The following ANKFN1 variants were observed in gnomAD, a reference collection of about 807,000 sequenced individuals.
The protein encoded by ANKFN1 is ankyrin repeat and fibronectin type-III domain-containing protein 1.
In ANKFN1, 74 loss-of-function variants were observed where a neutral mutation model predicts 108.7. The observed-to-expected ratio is 0.68, with a 90% CI of 0.56 to 0.83. The LOEUF is 0.83. Among genes scored for constraint, ANKFN1 ranks in the 40% least tolerant of loss-of-function variants. ANKFN1 has a pLI of 0.00. For missense variants in ANKFN1, 1,505 were observed against 1,382.3 expected, an observed-to-expected ratio of 1.09 and a Z score of -1.41; for synonymous variants, 547 against 516.2, an observed-to-expected ratio of 1.06 and a Z score of -0.81.
intron 8 of ANKFN1, among the ~76,000 whole-genome samples, chr17:56,376,678 C>T (rs932943815): frequency 6.6e-6 from 1 of 152,128 alleles, no homozygotes; most frequent in African/African-American, 2.4e-5. Context: ...AAATTCTATC[C>T]GCATTCACAT....
chr17:56,134,782 T>G (rs565148010), intron 4 of ANKFN1, among the ~76,000 whole-genome samples: 1 of 152,342 alleles, frequency 6.6e-6, no homozygotes, highest in East Asian at 1.9e-4. Flanking sequence ...CAAGCTATTT[T>G]GTACCCTAGT....
intron 4 of ANKFN1, among the ~76,000 whole-genome samples, chr17:56,048,843 G>A (rs1904725310): frequency 6.6e-6 from 1 of 152,170 alleles, no homozygotes; most frequent in Non-Finnish European, 1.5e-5. Flanking sequence ...CCCTAACAGA[G>A]CCAGCATAGA....
chr17:56,305,387 A>G (rs555261685), intron 3 of ANKFN1, among the ~76,000 whole-genome samples: 2 of 152,304 alleles, frequency 1.3e-5, no homozygotes, highest in East Asian at 1.9e-4. Context: ...ATGGTGTTGA[A>G]TATAATTTCA....
intron 8 of ANKFN1, among the ~76,000 whole-genome samples, chr17:56,379,295 A>T (rs2047027959): frequency 6.6e-6 from 1 of 151,792 alleles, no homozygotes; most frequent in African/African-American, 2.4e-5. Flanking sequence ...GCTACTCAGG[A>T]GGCTGAGGCA....
chr17:56,058,453 C>A (rs1904917647), intron 4 of ANKFN1, among the ~76,000 whole-genome samples: 1 of 152,222 alleles, frequency 6.6e-6, no homozygotes, highest in African/African-American at 2.4e-5. Flanking sequence ...CCAACCTCTG[C>A]TAGCTTCCAG....
intron 3 of ANKFN1, among the ~76,000 whole-genome samples, chr17:56,289,070 G>A (rs190392555): frequency 7.2e-4 from 109 of 152,254 alleles, no homozygotes; most frequent in African/African-American, 2.6e-3. Context: ...GTGAAAAATG[G>A]GGGTTATGGA....
intron 1 of ANKFN1, among the ~76,000 whole-genome samples, chr17:56,156,076 C>A (rs1403437009): frequency 7.3e-6 from 1 of 136,514 alleles, no homozygotes; most frequent in East Asian, 2.1e-4. Flanking sequence ...CTCTCTCACT[C>A]TTTTTTTTTT....
chr17:56,139,049 A>C (rs546669351), intron 4 of ANKFN1, among the ~76,000 whole-genome samples: 1 of 152,318 alleles, frequency 6.6e-6, no homozygotes, highest in Admixed American at 6.5e-5. Context: ...GAGTTCTCAA[A>C]AGGCTAGTGA....
intron 1 of ANKFN1, among the ~76,000 whole-genome samples, chr17:56,177,474 G>C (rs1232071400): frequency 2.0e-5 from 3 of 152,312 alleles, no homozygotes; most frequent in African/African-American, 7.2e-5. Flanking sequence ...GGAGACTCCT[G>C]TTCCATCTTC....
At chr17:56,430,440 A>G (rs1383249280) in intron 8 of ANKFN1, among the ~76,000 whole-genome samples, 1 of 151,866 alleles carries the variant, frequency 6.6e-6, no homozygotes, top group African/African-American at 2.4e-5. Context: ...GACTTCAGTT[A>G]GTAATACTGC....
At chr17:56,273,917 A>G (rs921925148) in intron 3 of ANKFN1, among the ~76,000 whole-genome samples, 2 of 152,182 alleles carry the variant, frequency 1.3e-5, no homozygotes, top group Non-Finnish European at 2.9e-5. Context: ...CAGGGTCCCA[A>G]ATGTTACTGT....
chr17:56,403,668 G>C (rs1351792919), intron 8 of ANKFN1, among the ~76,000 whole-genome samples: 1 of 152,000 alleles, frequency 6.6e-6, no homozygotes. Flanking sequence ...TTGAAATATG[G>C]GGTACTGTTG....
At chr17:56,076,820 A>C (rs890224837) in intron 4 of ANKFN1, among the ~76,000 whole-genome samples, 1 of 152,214 alleles carries the variant, frequency 6.6e-6, no homozygotes, top group African/African-American at 2.4e-5. Flanking sequence ...CAAGAAAAAA[A>C]ACTAAAATAT....
At chr17:56,056,055 G>A (rs1421646757) in intron 4 of ANKFN1, among the ~76,000 whole-genome samples, 8 of 149,946 alleles carry the variant, frequency 5.3e-5, no homozygotes, top group Admixed American at 5.3e-4. Flanking sequence ...CATGTTCTTT[G>A]CCCAGTTTTT....
At position 56,510,793 on chromosome 17, in the gene ANKFN1, G is replaced by A. The variant is rs749165760; in HGVS notation, c.2965G>A (p.Gly989Ser). The change falls in exon 21 of 21, where the codon GGT becomes AGT. Residue 989 changes from glycine to serine, a missense_variant. Gly to Ser is a moderately conservative substitution (Grantham distance 56). Coordinates refer to ENST00000682825, the MANE Select transcript of ANKFN1 (RefSeq NM_001370326.1). ...TPKNHAKTVS[G>S]GRPPLGFLGK... Reference sequence around the variant, plus strand: ...CAAGAACCACGCCAAGACTGTGTCCGGTGGGCGGCCCCCGCTAGGCTTCCT... The same window carrying A: ...CAAGAACCACGCCAAGACTGTGTCCAGTGGGCGGCCCCCGCTAGGCTTCCT... 60 of 1,536,022 alleles carry A rather than the reference G, an allele frequency of 3.9e-5. No homozygotes were observed. The highest frequency in any genetic ancestry group is 1.9e-4 in the South Asian group (16 of 84,064).
At chr17:56,122,086 C>A (rs900830518) in intron 4 of ANKFN1, among the ~76,000 whole-genome samples, 3 of 152,164 alleles carry the variant, frequency 2.0e-5, no homozygotes. Flanking sequence ...TGAAACTTGG[C>A]ATAGGAGGAA....
intron 8 of ANKFN1, among the ~76,000 whole-genome samples, chr17:56,415,683 A>G (rs571821492): frequency 6.6e-6 from 1 of 152,296 alleles, no homozygotes; most frequent in Admixed American, 6.5e-5. Flanking sequence ...CAAAATACCA[A>G]TGACATTCTT....
At chr17:56,274,472 C>CAA (rs199682017) in intron 3 of ANKFN1, among the ~76,000 whole-genome samples, 2 of 151,108 alleles carry the variant, frequency 1.3e-5, no homozygotes, top group African/African-American at 4.9e-5. Flanking sequence ...GACTCCGCCT[C>CAA]AAAAAAATAA....
chr17:56,377,003 A>C (rs1450916459), intron 8 of ANKFN1, among the ~76,000 whole-genome samples: 1 of 152,100 alleles, frequency 6.6e-6, no homozygotes, highest in African/African-American at 2.4e-5. Context: ...TTTGCAAAAA[A>C]GAAAGAAAGA....
Sources: gnomAD v4.1 joint callset for allele counts (sites outside exome capture counted in the v4.1 genomes callset) on GRCh38, gnomAD v4.1.1 for gene constraint, MANE v1.5 for transcripts, NCBI Gene and HGNC (gene_info 2026-07-23, HGNC 2026-07-21) for gene names.